ARID3A: variants seen among roughly 807,000 people sequenced by gnomAD.
ARID3A encodes AT-rich interaction domain 3A.
A neutral mutation model predicts 52.7 loss-of-function variants in ARID3A; 11 were observed. The ratio of observed to expected loss-of-function variants is 0.21; its 90% CI spans 0.13 to 0.35. ARID3A has a LOEUF of 0.35. ARID3A is among the 10% of genes least tolerant of loss of function. The pLI is 1.00. For missense variants in ARID3A, 721 were observed against 838.5 expected (o/e 0.86, Z 1.73); for synonymous variants, 404 against 359.4 (o/e 1.12, Z -1.40).
chr19:932,478 G>A lies in ARID3A; in HGVS notation c.429G>A (p.Glu143=). ...ACCTCGGGGAGGATGAGGAGGAGGA[G>A]GAGGAGGATTACGAGGATGAGGAGG... is the stretch of plus-strand genomic sequence containing the variant. ...EEDLGEDEEE[E]EEDYEDEEEE... Residue 143 remains glutamate (E), a synonymous_variant, in exon 3 of 9, where the codon GAG becomes GAA. Coordinates refer to ENST00000263620, the MANE Select transcript of ARID3A (RefSeq NM_005224.3). The A allele has an allele frequency of 6.3e-7, 1 of 1,580,158 alleles. No homozygotes were observed. Among genetic ancestry groups the A allele is most frequent in the Non-Finnish European group, 8.5e-7 (1 of 1,169,840 alleles).
Position 966,760 on chromosome 19 carries a change from A to G in ARID3A, c.1387A>G (p.Met463Val). 1 of 1,613,382 alleles carries G rather than the reference A, an allele frequency of 6.2e-7. No homozygotes were observed. The change falls in exon 7 of 9, where the codon ATG (methionine) becomes GTG (valine). Residue 463 changes from methionine to valine, a missense_variant. By Grantham distance (21) the Met-to-Val change is conservative. Coordinates refer to ENST00000263620, the MANE Select transcript of ARID3A (RefSeq NM_005224.3). The part of the protein sequence containing the change: ...LESAEPPEKK[M>V]ALVADEQQRL... ...GTCTGCAGAGCCTCCGGAGAAGAAGATGGCCCTGGTGGCCGATGAGCAGCA... is the reference window on the plus strand; with the variant it reads ...GTCTGCAGAGCCTCCGGAGAAGAAGGTGGCCCTGGTGGCCGATGAGCAGCA...
At chr19:948,153 C>T (rs2037727151) in intron 3 of ARID3A, among the ~76,000 whole-genome samples, 1 of 151,916 alleles carries the variant, frequency 6.6e-6, no homozygotes, top group South Asian at 2.1e-4. Flanking sequence ...CCTTCACAGC[C>T]CACCCGCCCC....
chr19:966,458 C>CAAA (rs71335324), intron 6 of ARID3A, 114 bp from the exon 7 acceptor site: 528 of 685,934 alleles, frequency 7.7e-4, no homozygotes, highest in African/African-American at 3.4e-3. Context: ...AACTCCGTCT[C>CAAA]AAAAAAAAAA....
chr19:932,356 T>G, intron 2 of ARID3A, 62 bp from the exon 3 acceptor site: 1 of 1,563,516 alleles, frequency 6.4e-7, no homozygotes, highest in Non-Finnish European at 8.6e-7. Flanking sequence ...GGAGTGGGTC[T>G]TTCCTTGGGC....
Position 929,738 on chromosome 19 carries a change from G to C in ARID3A, c.210G>C (p.Ala70=), listed in dbSNP as rs373039179. 6.4e-7 allele frequency: 1 copy of C among 1,559,268 alleles called. No individual in the cohort carries two copies. The highest frequency in any genetic ancestry group is 1.2e-5 in the South Asian group (1 of 85,896). Residue 70 remains alanine, a synonymous_variant, in exon 2 of 9, where the codon GCG becomes GCC. Transcript: ENST00000263620. The surrounding 1 kb of genome is among the most constrained non-coding windows in gnomAD (Gnocchi z 6.2). The part of the protein sequence containing the change: ...AALAAMRAAA[A]GLGHPASPGG... ...TGGCAGCCATGCGGGCTGCAGCTGCGGGCCTGGGACACCCAGCCAGCCCCG... is the reference window on the plus strand; with the variant it reads ...TGGCAGCCATGCGGGCTGCAGCTGCCGGCCTGGGACACCCAGCCAGCCCCG...
intron 3 of ARID3A, among the ~76,000 whole-genome samples, chr19:936,070 G>A (rs1267388582): frequency 6.6e-5 from 10 of 151,954 alleles, no homozygotes; most frequent in Non-Finnish European, 1.0e-4. Flanking sequence ...GATTAAAGGC[G>A]TGAGCCACCG....
At position 947,664 on chromosome 19, in the gene ARID3A, C is replaced by A. The variant is rs905057135; in HGVS notation, c.694-12428C>A. Among the ~76,000 whole-genome samples the A allele has an allele frequency of 6.6e-6, 1 of 152,238 alleles. No individual in the cohort carries two copies. On this transcript the variant is annotated intron_variant, in intron 3 of 8. Transcript: ENST00000263620. The surrounding 1 kb of genome is among the most constrained non-coding windows in gnomAD (Gnocchi z 6.3). ...GCAAGCTCCCCCGGAATCTCGTGATCTGGAAATCCACAGAGAAGCACCTTC... is the reference window on the plus strand; with the variant it reads ...GCAAGCTCCCCCGGAATCTCGTGATATGGAAATCCACAGAGAAGCACCTTC...
rs1023836655 is a variant in ARID3A, at chr19:974,398, G to C, written c.*2333G>C. The stretch of plus-strand genomic sequence containing the variant: ...TGTCTGTTTGCCTCCAGACACAATC[G>C]GGCCCCACTCGCAGAACCACCTGGA... On this transcript the variant is annotated 3_prime_UTR_variant, in exon 9 of 9. Transcript: ENST00000263620. 4 of 230,066 alleles carry C rather than the reference G, an allele frequency of 1.7e-5. No individual in the cohort carries two copies. Among genetic ancestry groups the C allele is most frequent in the Non-Finnish European group, 3.4e-5 (4 of 116,138 alleles). 14.3% of individuals were successfully genotyped at this position (230,066 alleles called of 1,614,324 possible).
intron 6 of ARID3A, among the ~76,000 whole-genome samples, chr19:966,001 A>AG (rs2038142463): frequency 6.6e-6 from 1 of 151,606 alleles, no homozygotes; most frequent in African/African-American, 2.4e-5. Flanking sequence ...CAAAAAAAAA[A>AG]AAAAAAAAAA....
At chr19:934,219 C>T (rs2037393804) in intron 3 of ARID3A, among the ~76,000 whole-genome samples, 1 of 152,134 alleles carries the variant, frequency 6.6e-6, no homozygotes, top group Non-Finnish European at 1.5e-5. Context: ...GTCAAGGCCC[C>T]CCATTCAGTC....
rs2037587968 is a variant in ARID3A at position 942,943 on chromosome 19, G to A, written c.693+10201G>A. ...CTCTGAAGATGTTAGTTTCAGTGAG[G>A]TCCTGCAGCGTACGGTGGCCCCAAA... is the stretch of plus-strand genomic sequence containing the variant. On this transcript the variant is annotated intron_variant, in intron 3 of 8. Coordinates refer to ENST00000263620, the MANE Select transcript of ARID3A (RefSeq NM_005224.3). This position sits in a 1 kb window ranked among gnomAD's most constrained non-coding sequence, Gnocchi z 8.1. 1.3e-5 allele frequency among the ~76,000 whole-genome samples: 2 copies of A among 152,152 alleles called. No homozygotes were observed. Among genetic ancestry groups the A allele is most frequent in the South Asian group, 4.1e-4 (2 of 4,834 alleles).
intron 2 of ARID3A, among the ~76,000 whole-genome samples, chr19:931,419 T>C (rs1412653379): frequency 7.3e-6 from 1 of 137,774 alleles, no homozygotes; most frequent in Non-Finnish European, 1.5e-5. Flanking sequence ...GCCTTTGCAC[T>C]CCAGCCTGGG....
At position 929,453 on chromosome 19, in the gene ARID3A, G is replaced by GGCCCCC; in HGVS notation, c.-76_-75insGCCCCC. The GGCCCCC allele has an allele frequency of 7.6e-7, 1 of 1,323,614 alleles. No homozygotes were observed. The highest frequency in any genetic ancestry group is 9.7e-7 in the Non-Finnish European group (1 of 1,034,032). 82.0% of individuals were successfully genotyped at this position (1,323,614 alleles called of 1,614,324 possible). Reference sequence around the variant, plus strand: ...GCGGCCGGGCCCCCTCCCCGCAGGGGCCGCCCCCGCCGCCCACCCCTAGCG... The same window carrying GGCCCCC: ...GCGGCCGGGCCCCCTCCCCGCAGGGGGCCCCCCCGCCCCCGCCGCCCACCCCTAGCG... On this transcript the variant is annotated 5_prime_UTR_variant, in exon 2 of 9. Coordinates refer to ENST00000263620, the MANE Select transcript of ARID3A (RefSeq NM_005224.3). The surrounding 1 kb of genome is among the most constrained non-coding windows in gnomAD (Gnocchi z 6.2).
chr19:951,572 G>A (rs867623712), intron 3 of ARID3A, among the ~76,000 whole-genome samples: 6 of 151,922 alleles, frequency 3.9e-5, no homozygotes, highest in South Asian at 4.2e-4. Context: ...AAAAAACAAC[G>A]TAGACTAAAG....
intron 3 of ARID3A, among the ~76,000 whole-genome samples, chr19:940,134 G>A (rs1034686879): frequency 2.6e-5 from 4 of 152,100 alleles, no homozygotes; most frequent in Admixed American, 6.6e-5. Flanking sequence ...GTTTGTTAGC[G>A]AGCCACAGCA....
At chr19:939,958 C>A (rs2037512990) in intron 3 of ARID3A, among the ~76,000 whole-genome samples, 1 of 152,100 alleles carries the variant, frequency 6.6e-6, no homozygotes, top group South Asian at 2.1e-4. Flanking sequence ...GAAGGTAGCA[C>A]TGGGGTCTGC....
chr19:971,545 T>A (rs1245323116), intron 8 of ARID3A, among the ~76,000 whole-genome samples: 1 of 151,750 alleles, frequency 6.6e-6, no homozygotes, highest in African/African-American at 2.4e-5. Context: ...ACCCAGGAGG[T>A]GGAGGTTGCA....
At position 964,518 on chromosome 19, in the gene ARID3A, G is replaced by C. The variant is rs577096972; in HGVS notation, c.950+87G>C. 2.3e-5 allele frequency: 33 copies of C among 1,460,886 alleles called. No homozygotes were observed. The African/African-American group carries it at 2.9e-4, about 13-fold the overall frequency. 90.5% of individuals were successfully genotyped at this position (1,460,886 alleles called of 1,614,324 possible). ...GCCTGCAGAAGAGGGAGGGGGTGGTGGGCAGCTGCAGAGGAGGGGGCAGTG... is the reference window on the plus strand; with the variant it reads ...GCCTGCAGAAGAGGGAGGGGGTGGTCGGCAGCTGCAGAGGAGGGGGCAGTG... On this transcript the variant is annotated intron_variant, in intron 5 of 8. Transcript: ENST00000263620. The surrounding 1 kb of genome is among the most constrained non-coding windows in gnomAD (Gnocchi z 5.7).
intron 8 of ARID3A, among the ~76,000 whole-genome samples, chr19:970,512 T>C (rs1167768467): frequency 1.4e-5 from 2 of 140,462 alleles, no homozygotes; most frequent in South Asian, 2.4e-4. Flanking sequence ...TTTTTTTTTT[T>C]TTTTTTTTTT....
Sources: gnomAD v4.1 joint callset for allele counts (sites outside exome capture counted in the v4.1 genomes callset) on GRCh38, gnomAD v4.1.1 for gene constraint, Gnocchi (gnomAD v3.1) non-coding constraint, MANE v1.5 for transcripts, NCBI Gene and HGNC (gene_info 2026-07-23, HGNC 2026-07-21) for gene names.